The following ZNF385D variants were observed in gnomAD, a reference collection of about 807,000 sequenced individuals.
The protein encoded by ZNF385D is zinc finger protein 385D, also known as zinc finger protein 659.
ZNF385D carries 15 observed loss-of-function variants against 35.8 expected under a neutral mutation model. That is an observed-to-expected ratio of 0.42 (90% CI 0.28 to 0.64). The LOEUF is 0.64. ZNF385D is among the 30% of genes least tolerant of loss of function. The pLI is 0.23. For synonymous variants in ZNF385D, 212 were observed against 186.8 expected (o/e 1.13, Z -1.10); for missense variants, 474 against 494.6 (o/e 0.96, Z 0.39).
chr3:22,319,049 C>A (rs899198003), intron 2 of ZNF385D, among the ~76,000 whole-genome samples: 8 of 152,014 alleles, frequency 5.3e-5, no homozygotes, highest in African/African-American at 1.9e-4. Flanking sequence ...TAAATTTGTT[C>A]CATTTCATAA....
intron 3 of ZNF385D, among the ~76,000 whole-genome samples, chr3:21,546,485 C>G (rs1360791901): frequency 2.0e-5 from 3 of 152,022 alleles, no homozygotes; most frequent in Admixed American, 1.3e-4. Flanking sequence ...TTTCCTCTCC[C>G]TTGTTGGAGG....
intron 4 of ZNF385D, among the ~76,000 whole-genome samples, chr3:21,488,201 G>C (rs1312426066): frequency 6.6e-6 from 1 of 151,700 alleles, no homozygotes; most frequent in East Asian, 1.9e-4. Flanking sequence ...TCCCTGCCAT[G>C]TACTTCAATG....
intron 2 of ZNF385D, among the ~76,000 whole-genome samples, chr3:22,213,928 A>T (rs57182869): frequency 0.035 from 5,392 of 152,082 alleles, 289 homozygotes; most frequent in African/African-American, 0.12. Context: ...CGAGCAATAA[A>T]ATTTAGTTTA....
intron 2 of ZNF385D, among the ~76,000 whole-genome samples, chr3:22,278,813 C>T (rs1262312145): frequency 6.6e-6 from 1 of 152,072 alleles, no homozygotes; most frequent in Non-Finnish European, 1.5e-5. Context: ...GGCAGGGATC[C>T]AGATGCTGGC....
chr3:21,819,994 A>G (rs2073333657), intron 3 of ZNF385D, among the ~76,000 whole-genome samples: 1 of 150,854 alleles, frequency 6.6e-6, no homozygotes, highest in South Asian at 2.1e-4. Context: ...AAATCAATGA[A>G]TCATCATAAT....
At chr3:22,217,983 A>G (rs1169649259) in intron 2 of ZNF385D, among the ~76,000 whole-genome samples, 2 of 152,138 alleles carry the variant, frequency 1.3e-5, no homozygotes, top group African/African-American at 2.4e-5. Flanking sequence ...TCTTTTACCT[A>G]TAGGTTAACG....
chr3:22,205,461 C>G (rs1248126532), intron 2 of ZNF385D, among the ~76,000 whole-genome samples: 2 of 151,628 alleles, frequency 1.3e-5, no homozygotes, highest in Non-Finnish European at 2.9e-5. Flanking sequence ...TAATAGTAAG[C>G]ACACAGAAAA....
At chr3:21,721,751 G>A (rs185603744) in intron 1 of ZNF385D, among the ~76,000 whole-genome samples, 2 of 152,142 alleles carry the variant, frequency 1.3e-5, no homozygotes, top group Non-Finnish European at 2.9e-5. Flanking sequence ...TCATCATGGA[G>A]TCTGGAGCCA....
chr3:22,364,199 G>A (rs1696546087), intron 2 of ZNF385D, among the ~76,000 whole-genome samples: 3 of 151,974 alleles, frequency 2.0e-5, no homozygotes, highest in African/African-American at 4.8e-5. Context: ...TTTAGAATAA[G>A]CAATGAGTTT....
intron 2 of ZNF385D, among the ~76,000 whole-genome samples, chr3:22,300,768 T>A (rs1702856968): frequency 6.6e-6 from 1 of 151,970 alleles, no homozygotes; most frequent in African/African-American, 2.4e-5. Context: ...GAATAGCTAT[T>A]ATCAAAAAGA....
intron 2 of ZNF385D, among the ~76,000 whole-genome samples, chr3:22,300,779 CAAAAGAT>C (rs1281322713): frequency 6.6e-6 from 1 of 151,722 alleles, no homozygotes; most frequent in Non-Finnish European, 1.5e-5. Context: ...ATCAAAAAGA[CAAAAGAT>C]AAAAGTTGGT....
intron 3 of ZNF385D, among the ~76,000 whole-genome samples, chr3:21,759,019 T>G (rs1273088084): frequency 7.8e-6 from 1 of 128,598 alleles, no homozygotes; most frequent in Admixed American, 8.4e-5. Flanking sequence ...GTGGTGATGC[T>G]ATTGTAACAA....
chr3:21,853,615 G>GA (rs1696530920), intron 3 of ZNF385D, among the ~76,000 whole-genome samples: 1 of 149,864 alleles, frequency 6.7e-6, no homozygotes, highest in African/African-American at 2.4e-5. Context: ...AGGGAAGCTA[G>GA]AAAAAAATAT....
intron 2 of ZNF385D, among the ~76,000 whole-genome samples, chr3:21,576,719 A>G (rs2063506243): frequency 1.3e-5 from 2 of 152,164 alleles, no homozygotes; most frequent in Non-Finnish European, 2.9e-5. Context: ...ACATATTTAA[A>G]CTTTATTGAA....
At chr3:21,914,473 TC>T (rs1700105667) in intron 3 of ZNF385D, among the ~76,000 whole-genome samples, 1 of 151,876 alleles carries the variant, frequency 6.6e-6, no homozygotes, top group South Asian at 2.1e-4. Flanking sequence ...TTGATTGTGT[TC>T]CTACCAAAAG....
At chr3:21,959,999 T>C (rs1702495089) in intron 3 of ZNF385D, among the ~76,000 whole-genome samples, 1 of 128,440 alleles carries the variant, frequency 7.8e-6, no homozygotes, top group Non-Finnish European at 1.6e-5. Flanking sequence ...ATTTGATGGC[T>C]AAGACTTCAA....
At chr3:22,280,504 A>G (rs542058861) in intron 2 of ZNF385D, among the ~76,000 whole-genome samples, 3 of 152,138 alleles carry the variant, frequency 2.0e-5, no homozygotes, top group African/African-American at 7.2e-5. Context: ...CGATTATCCC[A>G]GCACCATTTG....
chr3:21,531,002 A>C (rs953892120), intron 3 of ZNF385D, among the ~76,000 whole-genome samples: 4 of 152,184 alleles, frequency 2.6e-5, no homozygotes, highest in African/African-American at 9.7e-5. Context: ...TGAGACCCAC[A>C]CTTGCCAACC....
chr3:21,717,408 G>A (rs895539551), intron 1 of ZNF385D, among the ~76,000 whole-genome samples: 1 of 152,170 alleles, frequency 6.6e-6, no homozygotes, highest in Admixed American at 6.5e-5. Flanking sequence ...CAAATCCCTT[G>A]TGATGACTTT....
Sources: allele counts gnomAD v4.1 joint callset (sites outside exome capture counted in the v4.1 genomes callset), GRCh38; gene constraint gnomAD v4.1.1; transcripts MANE v1.5; gene names NCBI Gene and HGNC (gene_info 2026-07-23, HGNC 2026-07-21).